Variants in KIF15 observed in about 807,000 individuals in gnomAD.
KIF15 encodes the protein kinesin family member 15.
A neutral mutation model predicts 190.6 loss-of-function variants in KIF15; 140 were observed. That is an observed-to-expected ratio of 0.73 (90% CI 0.64 to 0.84). The LOEUF (loss-of-function observed/expected upper bound fraction) is 0.84. KIF15 is among the 40% of genes least tolerant of loss of function. The pLI is 0.00. For synonymous variants in KIF15, 528 were observed against 551.3 expected, an observed-to-expected ratio of 0.96 and a Z score of 0.59; for missense variants, 1,372 against 1,584.4, an observed-to-expected ratio of 0.87 and a Z score of 2.28.
chr3:44,843,003 C>T, intron 29 of KIF15, 122 bp from the exon 30 acceptor site: 2 of 648,428 alleles, frequency 3.1e-6, no homozygotes, highest in South Asian at 4.1e-5. Flanking sequence ...GCAGCAATAC[C>T]CAGTGCAGTG....
At chr3:44,861,533 G>A (rs1037361624) in intron 6 of KIF15, among the ~76,000 whole-genome samples, 2 of 152,222 alleles carry the variant, frequency 1.3e-5, no homozygotes, top group Non-Finnish European at 2.9e-5. Context: ...GGAGAAGCCT[G>A]GTCGACGTGG....
chr3:44,778,220 A>AG, intron 4 of KIF15, 29 bp downstream of exon 4: 1 of 1,506,190 alleles, frequency 6.6e-7, no homozygotes, highest in Non-Finnish European at 9.2e-7. Flanking sequence ...CCTTATACAT[A>AG]GTACATGCTT....
Position 44,847,974 on chromosome 3 carries a change from A to C in KIF15, c.3696-11A>C. ...TCCTATGCCTCCTCCCACCCCTGTT[A>C]ATCTATGCAGTGATCAGAATCATCC... On this transcript the variant is annotated splice_polypyrimidine_tract_variant and intron_variant, in intron 30 of 34. Coordinates refer to ENST00000326047, the MANE Select transcript of KIF15 (RefSeq NM_020242.3). 1 of 1,590,032 alleles carries C rather than the reference A, an allele frequency of 6.3e-7. No individual in the cohort carries two copies. Among genetic ancestry groups the C allele is most frequent in the Non-Finnish European group, 8.6e-7 (1 of 1,167,948 alleles).
chr3:44,841,612 A>G (rs937327362), intron 29 of KIF15, among the ~76,000 whole-genome samples: 1 of 151,934 alleles, frequency 6.6e-6, no homozygotes, highest in Non-Finnish European at 1.5e-5. Context: ...GTTAGCCAGG[A>G]TGGTCTTGAT....
intron 1 of KIF15, among the ~76,000 whole-genome samples, chr3:44,769,019 T>C (rs1705532703): frequency 6.6e-6 from 1 of 152,064 alleles, no homozygotes; most frequent in South Asian, 2.1e-4. Flanking sequence ...TTAAAAAAAA[T>C]TTTTACCCTT....
At chr3:44,859,546 G>A (rs1042804293) in intron 6 of KIF15, among the ~76,000 whole-genome samples, 1 of 152,170 alleles carries the variant, frequency 6.6e-6, no homozygotes, top group Admixed American at 6.5e-5. Flanking sequence ...CATAGTCCCT[G>A]CTACTCAGGA....
chr3:44,805,750 C>A lies in KIF15; in HGVS notation c.1830-95C>A, dbSNP rs1575617446. On this transcript the variant is annotated intron_variant, in intron 15 of 34. Coordinates refer to ENST00000326047, the MANE Select transcript of KIF15 (RefSeq NM_020242.3). ...GAGAATATCTCTGATTTAGAGATAA[C>A]TATAAAGTTATGTGAGAGCATAAAC... 3.6e-6 allele frequency: 4 copies of A among 1,124,420 alleles called. No individual in the cohort carries two copies. In the African/African-American group the frequency reaches 4.7e-5, roughly 13 times the overall value. The allele number at this position is 1,124,420 out of a possible 1,614,324, so 69.7% of individuals were successfully genotyped here. A position where few individuals can be genotyped will look rare whatever the true frequency, so the allele number is the denominator to read the frequency against.
intron 16 of KIF15, among the ~76,000 whole-genome samples, chr3:44,809,129 T>TG (rs925686151): frequency 6.6e-6 from 1 of 152,222 alleles, no homozygotes; most frequent in African/African-American, 2.4e-5. Flanking sequence ...CCGCAGGAAC[T>TG]GGGATTGTCA....
intron 5 of KIF15, among the ~76,000 whole-genome samples, chr3:44,783,464 C>T (rs1348356788): frequency 1.3e-5 from 2 of 152,120 alleles, no homozygotes; most frequent in African/African-American, 2.4e-5. Flanking sequence ...GAGAATGGCA[C>T]CAAGCCTTTC....
At chr3:44,867,460 C>G (rs1699333420) in intron 6 of KIF15, among the ~76,000 whole-genome samples, 1 of 152,226 alleles carries the variant, frequency 6.6e-6, no homozygotes, top group South Asian at 2.1e-4. Flanking sequence ...AAGGCCAGAC[C>G]TGAAGGCTGC....
At chr3:44,816,639 T>C (rs141979279) in intron 20 of KIF15, among the ~76,000 whole-genome samples, 8,850 of 152,288 alleles carry the variant, frequency 0.058, 269 homozygotes, top group Middle Eastern at 0.092. Context: ...TAGTCTATCA[T>C]TGATGGACAT....
intron 27 of KIF15, among the ~76,000 whole-genome samples, 189 bp from the exon 28 acceptor site, chr3:44,840,166 C>T (rs1400690594): frequency 1.3e-5 from 2 of 152,166 alleles, no homozygotes; most frequent in Non-Finnish European, 1.5e-5. Context: ...CCCTTTTCTC[C>T]ACAACCTCAC....
intron 19 of KIF15, 27 bp downstream of exon 19, chr3:44,813,207 G>T: frequency 7.9e-7 from 1 of 1,270,770 alleles, no homozygotes; most frequent in Non-Finnish European, 1.1e-6. Flanking sequence ...GGAGCTTTGT[G>T]ACTTGAAGGA....
chr3:44,811,166 T>A, intron 17 of KIF15, 123 bp downstream of exon 17: 1 of 684,832 alleles, frequency 1.5e-6, no homozygotes, highest in Non-Finnish European at 2.3e-6. Flanking sequence ...CATATCTTTT[T>A]AAGTGTGGGT....
At chr3:44,861,918 AG>A in intron 6 of KIF15, 1 of 1,473,926 alleles carries the variant, frequency 6.8e-7, no homozygotes. Flanking sequence ...CGGTGTCAGC[AG>A]GCAACATGGC....
intron 1 of KIF15, among the ~76,000 whole-genome samples, chr3:44,763,813 A>G (rs1391563289): frequency 6.6e-6 from 1 of 151,860 alleles, no homozygotes; most frequent in South Asian, 2.1e-4. Flanking sequence ...TCAGCCTCCC[A>G]AGTAGCTGGG....
At chr3:44,826,967 T>G (rs760723220) in intron 22 of KIF15, 3 of 455,750 alleles carry the variant, frequency 6.6e-6, no homozygotes, top group South Asian at 4.7e-5. Context: ...ACTTATGGAG[T>G]TCTTCCTATG....
intron 5 of KIF15, among the ~76,000 whole-genome samples, chr3:44,782,799 C>A (rs1178940883): frequency 6.6e-6 from 1 of 152,004 alleles, no homozygotes; most frequent in Non-Finnish European, 1.5e-5. Context: ...TTGCACAGGC[C>A]CTGAGGTGGG....
chr3:44,762,843 G>T (rs1575564363), intron 1 of KIF15, among the ~76,000 whole-genome samples: 7 of 152,116 alleles, frequency 4.6e-5, no homozygotes, highest in Admixed American at 6.5e-5. Flanking sequence ...ATCATTTTCA[G>T]TATTCAAGGA....
Sources: allele counts gnomAD v4.1 joint callset (sites outside exome capture counted in the v4.1 genomes callset), GRCh38; gene constraint gnomAD v4.1.1; transcripts MANE v1.5; gene names NCBI Gene and HGNC (gene_info 2026-07-23, HGNC 2026-07-21).